Variants in SHANK2 observed in about 807,000 individuals in gnomAD.
SHANK2 encodes the protein SH3 and multiple ankyrin repeat domains protein 2.
Under a neutral mutation model 133.7 loss-of-function variants are expected in SHANK2, and 43 were observed. The observed-to-expected ratio is 0.32, with a 90% CI of 0.25 to 0.41. The LOEUF is 0.41. SHANK2 is among the 10% of genes least tolerant of loss of function. SHANK2 has a pLI of 1.00. For missense variants in SHANK2, 1,994 were observed against 2,235.8 expected (o/e 0.89, Z 2.18); for synonymous variants, 1,017 against 952.8 (o/e 1.07, Z -1.24).
At chr11:70,628,439 C>A (rs1292249682) in intron 17 of SHANK2, among the ~76,000 whole-genome samples, 1 of 152,130 alleles carries the variant, frequency 6.6e-6, no homozygotes, top group African/African-American at 2.4e-5. Context: ...CCTCGGTTTC[C>A]CTGCTCGCAA....
chr11:70,955,157 C>A (rs142428747), intron 10 of SHANK2, among the ~76,000 whole-genome samples: 56 of 152,324 alleles, frequency 3.7e-4, no homozygotes, highest in African/African-American at 1.3e-3. Context: ...ATTGCCACTG[C>A]CTTTTTTTCC....
intron 3 of SHANK2, among the ~76,000 whole-genome samples, chr11:71,136,114 T>A (rs1952434195): frequency 6.6e-6 from 1 of 152,192 alleles, no homozygotes; most frequent in Admixed American, 6.5e-5. Context: ...AGAATCCAGC[T>A]GACCATTGAG....
intron 10 of SHANK2, among the ~76,000 whole-genome samples, chr11:70,949,782 T>C (rs1257818104): frequency 2.0e-5 from 3 of 152,234 alleles, no homozygotes; most frequent in Non-Finnish European, 4.4e-5. Flanking sequence ...AAGGTTGGCC[T>C]GTTCCTACGG....
chr11:70,731,023 C>CTCCA (rs1946279189), intron 14 of SHANK2, among the ~76,000 whole-genome samples: 2 of 152,104 alleles, frequency 1.3e-5, no homozygotes, highest in African/African-American at 2.4e-5. Context: ...ATGGACTAAC[C>CTCCA]TGTGTGCCCG....
At chr11:71,133,439 GGGACGGAC>G (rs1565470314) in intron 3 of SHANK2, among the ~76,000 whole-genome samples, 1 of 130,828 alleles carries the variant, frequency 7.6e-6, no homozygotes, top group African/African-American at 3.4e-5. Context: ...GAGGGAGGGA[GGGACGGAC>G]GGACAGACGG....
chr11:70,789,426 C>T (rs1947739877), intron 14 of SHANK2, among the ~76,000 whole-genome samples: 1 of 152,160 alleles, frequency 6.6e-6, no homozygotes, highest in Non-Finnish European at 1.5e-5. Context: ...TGCAGACTTA[C>T]CCCACAAGAG....
At chr11:71,130,990 T>C (rs1952292105) in intron 3 of SHANK2, among the ~76,000 whole-genome samples, 1 of 152,266 alleles carries the variant, frequency 6.6e-6, no homozygotes, top group East Asian at 1.9e-4. Flanking sequence ...CTACGGTTTC[T>C]GTCATCATCA....
At chr11:70,638,299 C>A (rs782174353) in intron 17 of SHANK2, among the ~76,000 whole-genome samples, 5 of 152,216 alleles carry the variant, frequency 3.3e-5, no homozygotes, top group African/African-American at 4.8e-5. Context: ...CCACAAGCTA[C>A]TCCCAGTGAC....
In SHANK2 at chr11:70,535,481, T is replaced by C. The variant is rs1565106932; in HGVS notation, c.2062-32550A>G. On this transcript the variant is annotated intron_variant, in intron 17 of 25. Coordinates refer to ENST00000601538, the MANE Select transcript of SHANK2 (RefSeq NM_012309.5). This position sits in a 1 kb window ranked among gnomAD's most constrained non-coding sequence, Gnocchi z 4.3. ...ATCAGTCCGTCCGTCCATCCATCCA[T>C]CCATCCATCCATCCGTCCGTCCGTC... Among the ~76,000 whole-genome samples, 1 of 151,984 alleles carries C rather than the reference T, an allele frequency of 6.6e-6. No individual in the cohort carries two copies. The highest frequency in any genetic ancestry group is 1.5e-5 in the Non-Finnish European group (1 of 68,012).
chr11:71,228,910 G>A (rs537533735), intron 1 of SHANK2, among the ~76,000 whole-genome samples: 15 of 152,146 alleles, frequency 9.9e-5, no homozygotes, highest in Non-Finnish European at 1.6e-4. Flanking sequence ...TGACTAAATG[G>A]CATTTATTCT....
intron 15 of SHANK2, among the ~76,000 whole-genome samples, chr11:70,678,694 C>T (rs1944959649): frequency 6.6e-6 from 1 of 151,892 alleles, no homozygotes; most frequent in African/African-American, 2.4e-5. Context: ...AGGTGTGCAC[C>T]ACCACACCCA....
In SHANK2 at chr11:71,121,160, C is replaced by T. The variant is rs1446234299; in HGVS notation, c.208-2128G>A. On this transcript the variant is annotated intron_variant, in intron 3 of 25. Coordinates refer to ENST00000601538, the MANE Select transcript of SHANK2 (RefSeq NM_012309.5). ...TTTGCAACCCAGTGGGGCACACCAACCTTGATTCCTAGGGAAACCCACCCA... is the reference window on the plus strand; with the variant it reads ...TTTGCAACCCAGTGGGGCACACCAATCTTGATTCCTAGGGAAACCCACCCA... Among the ~76,000 whole-genome samples, 10 of 152,342 alleles carry T rather than the reference C, an allele frequency of 6.6e-5. 1 individual carries two copies. The highest frequency in any genetic ancestry group is 3.9e-4 in the Admixed American group (6 of 15,310).
At position 70,487,273 on chromosome 11, in the gene SHANK2, G is replaced by C; in HGVS notation, c.3020C>G (p.Ala1007Gly). Reference protein sequence around the residue: ...SKAVYVPAKPARRKGMLVKQS... With the variant: ...SKAVYVPAKPGRRKGMLVKQS... The stretch of plus-strand genomic sequence containing the variant: ...CTTCACCAGCATCCCCTTCCGCCTG[G>C]CGGGCTTGGCGGGGACGTAGACGGC... Residue 1007 changes from alanine to glycine, a missense_variant, in exon 25 of 26, where the codon GCC becomes GGC. Ala to Gly is a moderately conservative substitution (Grantham distance 60). Coordinates refer to ENST00000601538, the MANE Select transcript of SHANK2 (RefSeq NM_012309.5). This position sits in a 1 kb window ranked among gnomAD's most constrained non-coding sequence, Gnocchi z 5.8. 1 of 1,614,220 alleles carries C rather than the reference G, an allele frequency of 6.2e-7. No individual in the cohort carries two copies. Among genetic ancestry groups the C allele is most frequent in the South Asian group, 1.1e-5 (1 of 91,082 alleles).
intron 9 of SHANK2, among the ~76,000 whole-genome samples, chr11:71,064,337 C>G (rs1278412831): frequency 6.6e-6 from 1 of 152,046 alleles, no homozygotes; most frequent in African/African-American, 2.4e-5. Context: ...GGAGAGAGAG[C>G]CTGGGGACAG....
intron 10 of SHANK2, among the ~76,000 whole-genome samples, chr11:70,898,678 C>T (rs1555076225): frequency 6.6e-6 from 1 of 152,180 alleles, no homozygotes; most frequent in African/African-American, 2.4e-5. Context: ...ATCCTCCTGA[C>T]TGCTTATAGT....
intron 17 of SHANK2, among the ~76,000 whole-genome samples, chr11:70,546,265 T>C (rs1430347491): frequency 6.6e-6 from 1 of 151,852 alleles, no homozygotes; most frequent in Non-Finnish European, 1.5e-5. Context: ...AATACTTAGG[T>C]ACAGCTGATT....
rs541296060 is a variant in SHANK2 at position 70,919,427 on chromosome 11, G to T, written c.1108-22860C>A. Among the ~76,000 whole-genome samples, 6 of 151,504 alleles carry T rather than the reference G, an allele frequency of 4.0e-5. No homozygotes were observed. The South Asian group carries it at 1.3e-3, about 32-fold the overall frequency. ...GACCGAGTCTCACTCTGTTGCCCAGGCTGGGATGCAGTGGCACGATCTCGG... is the reference window on the plus strand; with the variant it reads ...GACCGAGTCTCACTCTGTTGCCCAGTCTGGGATGCAGTGGCACGATCTCGG... On this transcript the variant is annotated intron_variant, in intron 10 of 25. Coordinates refer to ENST00000601538, the MANE Select transcript of SHANK2 (RefSeq NM_012309.5).
chr11:71,245,283 C>T (rs1954945909), intron 1 of SHANK2, among the ~76,000 whole-genome samples: 1 of 152,162 alleles, frequency 6.6e-6, no homozygotes, highest in African/African-American at 2.4e-5. Flanking sequence ...ACCGGCCTCA[C>T]CAAGTGTTTT....
chr11:71,129,252 T>C lies in SHANK2; in HGVS notation c.208-10220A>G, dbSNP rs183392395. Reference sequence around the variant, plus strand: ...CTGACGGGAGTTTCTGCCTACTGAGTCTTGCTTGTACTCAGTGGACTGTGC... The same window carrying C: ...CTGACGGGAGTTTCTGCCTACTGAGCCTTGCTTGTACTCAGTGGACTGTGC... On this transcript the variant is annotated intron_variant, in intron 3 of 25. Transcript: ENST00000601538. Among the ~76,000 whole-genome samples the C allele has an allele frequency of 2.3e-3, 347 of 152,298 alleles. 4 individuals are homozygous for C. The highest frequency in any genetic ancestry group is 0.015 in the Admixed American group (228 of 15,294).
Sources: gnomAD v4.1 joint callset for allele counts (sites outside exome capture counted in the v4.1 genomes callset) on GRCh38, gnomAD v4.1.1 for gene constraint, Gnocchi (gnomAD v3.1) non-coding constraint, MANE v1.5 for transcripts, NCBI Gene and HGNC (gene_info 2026-07-23, HGNC 2026-07-21) for gene names.